Variants in KNL1 observed in about 807,000 individuals in gnomAD.
KNL1 encodes outer kinetochore KNL1 complex subunit KNL1.
KNL1 carries 66 observed loss-of-function variants against 201.3 expected under a neutral mutation model. That is an observed-to-expected ratio of 0.33 (90% CI 0.27 to 0.40). The LOEUF (loss-of-function observed/expected upper bound fraction) is 0.40. KNL1 is among the 10% of genes least tolerant of loss of function. The pLI is 1.00. For missense variants in KNL1, 2,815 were observed against 2,690.5 expected, an observed-to-expected ratio of 1.05 and a Z score of -1.02; for synonymous variants, 895 against 899.2, an observed-to-expected ratio of 1.00 and a Z score of 0.08.
chr15:40,600,966 C>T (rs549862123), intron 1 of KNL1, among the ~76,000 whole-genome samples: 12 of 152,278 alleles, frequency 7.9e-5, no homozygotes, highest in Non-Finnish European at 1.2e-4. Flanking sequence ...GAGTACTTAT[C>T]GTTGACTTTC....
intron 5 of KNL1, 75 bp downstream of exon 5, chr15:40,608,983 T>A (rs1341634049): frequency 5.5e-6 from 5 of 907,980 alleles, no homozygotes; most frequent in Non-Finnish European, 8.8e-6. Flanking sequence ...GTATTGGTAC[T>A]GACTTGAATA....
chr15:40,638,939 G>A (rs1434723004), intron 13 of KNL1, among the ~76,000 whole-genome samples: 1 of 151,292 alleles, frequency 6.6e-6, no homozygotes, highest in Non-Finnish European at 1.5e-5. Context: ...AGCCTCCTGA[G>A]TAGCTGGGAT....
intron 7 of KNL1, among the ~76,000 whole-genome samples, chr15:40,614,861 T>G (rs915628446): frequency 6.6e-6 from 1 of 152,164 alleles, no homozygotes; most frequent in African/African-American, 2.4e-5. Flanking sequence ...AGGTCATTTT[T>G]TGAAAAAATA....
At chr15:40,634,746 GGA>G (rs1323661763) in intron 13 of KNL1, among the ~76,000 whole-genome samples, 11 of 152,098 alleles carry the variant, frequency 7.2e-5, no homozygotes, top group Non-Finnish European at 1.5e-5. Context: ...ACCAAACAGA[GGA>G]GAGCAGAGGG....
At position 40,621,302 on chromosome 15, in the gene KNL1, C is replaced by CATGGATGTA. The variant is rs1892517261; in HGVS notation, c.1040_1048dup (p.Met347_Val349dup). 1.2e-6 allele frequency: 2 copies of CATGGATGTA among 1,613,884 alleles called. No individual in the cohort carries two copies. Among genetic ancestry groups the CATGGATGTA allele is most frequent in the Admixed American group, 1.7e-5 (1 of 60,006 alleles). ...AAATAGAAAATCAAACTCAGAATGC[C>CATGGATGTA]ATGGATGTAACAACAGGTTATGGAA... On this transcript the variant is annotated inframe_insertion, in exon 10 of 26. Coordinates refer to ENST00000399668, the MANE Select transcript of KNL1 (RefSeq NM_144508.5).
Position 40,625,277 on chromosome 15 carries a change from G to A in KNL1, c.5013G>A (p.Leu1671=), listed in dbSNP as rs773377719. 1.9e-6 allele frequency: 3 copies of A among 1,613,944 alleles called. No homozygotes were observed. Among genetic ancestry groups the A allele is most frequent in the East Asian group, 2.2e-5 (1 of 44,886 alleles). Residue 1671 remains leucine (L), a synonymous_variant, in exon 10 of 26, where the codon CTG becomes CTA. Coordinates refer to ENST00000399668, the MANE Select transcript of KNL1 (RefSeq NM_144508.5). ...GTAGTGTCACTGGTATTGATGACCT[G>A]GAACAGATTCCAGCAGACACAACTG... The part of the protein sequence containing the change: ...RNCSVTGIDD[L]EQIPADTTDI...
chr15:40,657,054 C>G lies in KNL1; in HGVS notation c.6497C>G (p.Pro2166Arg), dbSNP rs532623099. Residue 2166 changes from proline (P) to arginine (R), a missense_variant, in exon 23 of 26, where the codon CCT becomes CGT. Physicochemically the swap from Pro to Arg is moderately radical, Grantham distance 103. Around this residue, in one of 3 missense-constraint regions of KNL1, gnomAD observed 334 missense variants for 362.6 expected, o/e 0.92. Transcript: ENST00000399668. ...TTTCCTTCCCCAGAGGATCAAGCTCCTCCTTCCTCCCTTTTAGTTCATAAG... is the reference window on the plus strand; with the variant it reads ...TTTCCTTCCCCAGAGGATCAAGCTCGTCCTTCCTCCCTTTTAGTTCATAAG... ...FQSLLDEDQA[P>R]PSSLLVHKLI... The G allele has an allele frequency of 2.7e-4, 418 of 1,566,544 alleles. No individual in the cohort carries two copies. Among genetic ancestry groups the G allele is most frequent in the Admixed American group, 1.4e-3 (71 of 50,932 alleles).
At chr15:40,605,182 A>C (rs751365485) in intron 3 of KNL1, 33 bp downstream of exon 3, 1 of 1,226,312 alleles carries the variant, frequency 8.2e-7, no homozygotes, top group South Asian at 1.2e-5. Context: ...AATAATTGTC[A>C]GCTTTTATTT....
Position 40,650,325 on chromosome 15 carries a change from A to G in KNL1, c.6119A>G (p.Glu2040Gly), listed in dbSNP as rs1208442665. ...ETETKNLEDE[E>G]KNNPVEEWDS... ...GAAACTAAGAATTTGGAGGATGAAG[A>G]GAAAAACAATCCTGTGGAAGAATGG... The change falls in exon 18 of 26, where the codon GAG becomes GGG. Residue 2040 changes from glutamate to glycine, a missense_variant. Coordinates refer to ENST00000399668, the MANE Select transcript of KNL1 (RefSeq NM_144508.5). 4 of 1,611,720 alleles carry G rather than the reference A, an allele frequency of 2.5e-6. No homozygotes were observed. In the Admixed American group the frequency reaches 6.7e-5, roughly 27 times the overall value.
At position 40,624,468 on chromosome 15, in the gene KNL1, C is replaced by A; in HGVS notation, c.4204C>A (p.Gln1402Lys). The A allele has an allele frequency of 6.2e-7, 1 of 1,613,696 alleles. No homozygotes were observed. Among genetic ancestry groups the A allele is most frequent in the South Asian group, 1.1e-5 (1 of 91,054 alleles). Residue 1402 changes from glutamine (Q) to lysine (K), a missense_variant, in exon 10 of 26, where the codon CAA (glutamine) becomes AAA (lysine). By Grantham distance (53) the Gln-to-Lys change is moderately conservative (BLOSUM62 1). Coordinates refer to ENST00000399668, the MANE Select transcript of KNL1 (RefSeq NM_144508.5). The stretch of plus-strand genomic sequence containing the variant: ...GGATCCACGAAATCTATTGGCTAAT[C>A]AAACTTTAGTATATAGTCAAGATCT... ...IKDPRNLLAN[Q>K]TLVYSQDLGE...
At chr15:40,601,859 CTTTTTTTTTTTTTTT>C (rs36046773) in intron 1 of KNL1, among the ~76,000 whole-genome samples, 1 of 64,620 alleles carries the variant, frequency 1.5e-5, no homozygotes, top group Non-Finnish European at 2.7e-5. Flanking sequence ...AAAAATGCAT[CTTTTTTTTTTTTTTT>C]TTTTTTTTTT....
In KNL1 at chr15:40,622,628, A is replaced by C. The variant is rs1225700881; in HGVS notation, c.2364A>C (p.Glu788Asp). The change falls in exon 10 of 26, where the codon GAA (glutamate) becomes GAC (aspartate). Residue 788 changes from glutamate to aspartate, a missense_variant. By Grantham distance (45) the Glu-to-Asp change is conservative (BLOSUM62 2). Coordinates refer to ENST00000399668, the MANE Select transcript of KNL1 (RefSeq NM_144508.5). ...AAGAACTTGGTAAAACTAATTTAGA[A>C]CACACTACTGGCCAGCTAACAACAA... ...ELQELGKTNL[E>D]HTTGQLTTMN... 2.0e-5 allele frequency: 32 copies of C among 1,600,954 alleles called. No individual in the cohort carries two copies. Among genetic ancestry groups the C allele is most frequent in the Non-Finnish European group, 2.4e-5 (28 of 1,174,658 alleles).
rs186068071 is a variant in KNL1, at chr15:40,633,275, C to T, written c.5682+3904C>T. Among the ~76,000 whole-genome samples, 392 of 148,382 alleles carry T rather than the reference C, an allele frequency of 2.6e-3. 3 individuals carry two copies. The highest frequency in any genetic ancestry group is 8.0e-3 in the African/African-American group (321 of 40,136). The stretch of plus-strand genomic sequence containing the variant: ...GCAGTGAGCTGAGGTCACGCCACTG[C>T]GCTCCAGCCTGGGCGACAGAGCGAA... On this transcript the variant is annotated intron_variant, in intron 13 of 25. Coordinates refer to ENST00000399668, the MANE Select transcript of KNL1 (RefSeq NM_144508.5).
chr15:40,647,245 C>T (rs1330840401), intron 17 of KNL1, among the ~76,000 whole-genome samples, 171 bp downstream of exon 17: 5 of 151,964 alleles, frequency 3.3e-5, no homozygotes, highest in African/African-American at 9.7e-5. Context: ...GAGGCCAAGC[C>T]GGGCGGATCA....
chr15:40,621,979 T>C lies in KNL1; in HGVS notation c.1715T>C (p.Met572Thr), dbSNP rs11858113. The C allele has an allele frequency of 0.4, 639,089 of 1,613,456 alleles. 128,915 individuals carry two copies. Among genetic ancestry groups the C allele is most frequent in the South Asian group, 0.49 (44,745 of 91,062 alleles). Residue 572 changes from methionine to threonine, a missense_variant, in exon 10 of 26, where the codon ATG becomes ACG. This residue lies in a region of KNL1 where 2,464 missense variants were observed against 2,291.7 expected (regional missense o/e 1.08). Coordinates refer to ENST00000399668, the MANE Select transcript of KNL1 (RefSeq NM_144508.5). ...ACTGAACTCTTATCAGGTGAAAATA[T>C]GGATTTGACTGAAAGTCACACAAGT... is the stretch of plus-strand genomic sequence containing the variant. ...RKTELLSGENMDLTESHTSNL... is the reference protein window; with the variant it reads ...RKTELLSGENTDLTESHTSNL...
At chr15:40,606,071 T>G (rs975372607) in intron 3 of KNL1, among the ~76,000 whole-genome samples, 1 of 152,170 alleles carries the variant, frequency 6.6e-6, no homozygotes, top group Non-Finnish European at 1.5e-5. Context: ...AAGTCCTCAT[T>G]CCTGAACAAA....
At chr15:40,629,471 CTTTTTTTTTTTTTTTTGCCTTTTCT>C in intron 13 of KNL1, 100 bp downstream of exon 13, 1 of 190,770 alleles carries the variant, frequency 5.2e-6, no homozygotes, top group Non-Finnish European at 9.2e-6. Flanking sequence ...AGAGAGTTTT[CTTTTTTTTTTTTTTTTGCCTTTTCT>C]TTTTTTTTTT....
rs1892835507 is a variant in KNL1 at position 40,629,275 on chromosome 15, A to G, written c.5586A>G (p.Lys1862=). 1.9e-6 allele frequency: 3 copies of G among 1,568,120 alleles called. No individual in the cohort carries two copies. The highest frequency in any genetic ancestry group is 1.2e-5 in the South Asian group (1 of 83,478). Residue 1862 remains lysine, a splice_region_variant and synonymous_variant, in exon 13 of 26, where the codon AAA becomes AAG. Coordinates refer to ENST00000399668, the MANE Select transcript of KNL1 (RefSeq NM_144508.5). ...DTICEESLRE[K]LQDGRITIRE... is the part of the protein sequence containing the mutation. ...CAAACTTTTTTTTCTTTTCTCAGAAACTCCAAGATGGGAGAATAACAATAA... is the reference window on the plus strand; with the variant it reads ...CAAACTTTTTTTTCTTTTCTCAGAAGCTCCAAGATGGGAGAATAACAATAA...
chr15:40,637,822 G>T (rs1195266481), intron 13 of KNL1, among the ~76,000 whole-genome samples: 1 of 151,812 alleles, frequency 6.6e-6, no homozygotes, highest in African/African-American at 2.4e-5. Flanking sequence ...GTATAAACAG[G>T]TTCCATCCCC....
Sources: allele counts gnomAD v4.1 joint callset (sites outside exome capture counted in the v4.1 genomes callset), GRCh38; gene constraint gnomAD v4.1.1; regional missense constraint gnomAD v4.1.1; transcripts MANE v1.5; gene names NCBI Gene and HGNC (gene_info 2026-07-23, HGNC 2026-07-21).